MAGI2: variants seen among roughly 807,000 people sequenced by gnomAD.
The protein encoded by MAGI2 is membrane-associated guanylate kinase, WW and PDZ domain-containing protein 2.
In MAGI2, 35 loss-of-function variants were observed where a neutral mutation model predicts 133.3. That is an observed-to-expected ratio of 0.26 (90% CI 0.20 to 0.35). The LOEUF (loss-of-function observed/expected upper bound fraction) is 0.35, where lower values mean the gene tolerates loss of function less well. Ranked by LOEUF, MAGI2 falls within the 10% of genes least tolerant of loss-of-function variation. MAGI2 has a pLI of 1.00. For missense variants in MAGI2, 1,636 were observed against 1,863.4 expected (o/e 0.88, Z 2.25); for synonymous variants, 729 against 710.6 (o/e 1.03, Z -0.41).
intron 1 of MAGI2, among the ~76,000 whole-genome samples, chr7:79,028,251 ATATATATATATATATATGTATGTATG>A (rs1360181707): frequency 4.1e-5 from 1 of 24,476 alleles, no homozygotes; most frequent in Non-Finnish European, 1.0e-4. Context: ...ATATATATAT[ATATATATATATATATATGTATGTATG>A]TATATATATA....
At chr7:78,465,378 TACTAG>T (rs1790513674) in intron 6 of MAGI2, among the ~76,000 whole-genome samples, 1 of 152,172 alleles carries the variant, frequency 6.6e-6, no homozygotes, top group Non-Finnish European at 1.5e-5. Flanking sequence ...GCATGTTCCT[TACTAG>T]AGAGCATGAG....
intron 20 of MAGI2, among the ~76,000 whole-genome samples, chr7:78,108,506 G>A (rs1583936833): frequency 6.6e-6 from 1 of 152,174 alleles, no homozygotes; most frequent in African/African-American, 2.4e-5. Flanking sequence ...CTATAGTACA[G>A]ATTAAGTTCA....
chr7:78,102,193 G>A (rs902343311), intron 20 of MAGI2, among the ~76,000 whole-genome samples: 2 of 152,134 alleles, frequency 1.3e-5, no homozygotes, highest in African/African-American at 2.4e-5. Context: ...GGTTGTCAGG[G>A]GCTGGGGGTT....
chr7:78,466,169 T>C (rs1039960091), intron 6 of MAGI2, among the ~76,000 whole-genome samples: 2 of 152,144 alleles, frequency 1.3e-5, no homozygotes, highest in African/African-American at 4.8e-5. Context: ...TTCTTACCCT[T>C]AGGAACAACT....
At chr7:78,307,890 G>T (rs959780032) in intron 9 of MAGI2, among the ~76,000 whole-genome samples, 1 of 152,148 alleles carries the variant, frequency 6.6e-6, no homozygotes, top group Non-Finnish European at 1.5e-5. Flanking sequence ...GAAAAGAGGG[G>T]CCCTCATTAT....
intron 1 of MAGI2, chr7:79,412,420 C>T (rs1846206101): frequency 6.6e-6 from 1 of 152,084 alleles, no homozygotes; most frequent in Admixed American, 6.6e-5. Flanking sequence ...CATTACTGTC[C>T]TGATGCTGCA....
intron 3 of MAGI2, among the ~76,000 whole-genome samples, chr7:78,573,291 A>AATATATATATATTTATATAAAT (rs796996861): frequency 6.2e-4 from 33 of 53,354 alleles, no homozygotes; most frequent in Non-Finnish European, 7.6e-4. Flanking sequence ...TATTTATATA[A>AATATATATATATTTATATAAAT]ATATATATAT....
At position 79,431,694 on chromosome 7, in the gene MAGI2, C is replaced by T. The variant is rs1001900936; in HGVS notation, c.301+21326G>A. On this transcript the variant is annotated intron_variant, in intron 1 of 21. Coordinates refer to ENST00000354212, the MANE Select transcript of MAGI2 (RefSeq NM_012301.4). ...GGGAAGAAGGAGAAGAAATGAATTT[C>T]ATTTCTATCAGAAAATTTGAAGCTT... Among the ~76,000 whole-genome samples, 21 of 152,178 alleles carry T rather than the reference C, an allele frequency of 1.4e-4. 1 individual carries two copies. The highest frequency in any genetic ancestry group is 1.4e-3 in the Admixed American group (21 of 15,278).
At chr7:78,410,185 T>C (rs1349802624) in intron 6 of MAGI2, among the ~76,000 whole-genome samples, 1 of 152,066 alleles carries the variant, frequency 6.6e-6, no homozygotes, top group South Asian at 2.1e-4. Flanking sequence ...AAATGTGTGA[T>C]ACAGGCATAA....
At chr7:79,396,543 A>C (rs756132951) in intron 1 of MAGI2, among the ~76,000 whole-genome samples, 1 of 152,190 alleles carries the variant, frequency 6.6e-6, no homozygotes, top group Non-Finnish European at 1.5e-5. Flanking sequence ...CCCTACTGAG[A>C]AACAAGAGGC....
At chr7:79,157,505 C>T (rs1245139357) in intron 1 of MAGI2, among the ~76,000 whole-genome samples, 1 of 150,000 alleles carries the variant, frequency 6.7e-6, no homozygotes, top group Non-Finnish European at 1.5e-5. Flanking sequence ...GTAAGCAGCA[C>T]ACATTGATCC....
At chr7:79,109,875 G>C (rs923475574) in intron 1 of MAGI2, among the ~76,000 whole-genome samples, 1 of 150,998 alleles carries the variant, frequency 6.6e-6, no homozygotes, top group Non-Finnish European at 1.5e-5. Context: ...CTTGCACTCT[G>C]TGTGCCTACT....
At chr7:79,229,541 T>C (rs1331089821) in intron 1 of MAGI2, among the ~76,000 whole-genome samples, 1 of 152,164 alleles carries the variant, frequency 6.6e-6, no homozygotes, top group African/African-American at 2.4e-5. Flanking sequence ...CCTATAATAG[T>C]ATGCATCAAG....
chr7:78,843,233 C>T (rs897314956), intron 2 of MAGI2, among the ~76,000 whole-genome samples: 1 of 151,880 alleles, frequency 6.6e-6, no homozygotes, highest in African/African-American at 2.4e-5. Context: ...GGATGTGTTT[C>T]AGCAACTTGA....
chr7:79,424,868 C>T (rs979279797), intron 1 of MAGI2, among the ~76,000 whole-genome samples: 2 of 151,790 alleles, frequency 1.3e-5, no homozygotes, highest in African/African-American at 4.8e-5. Context: ...TATATTATAC[C>T]TGTATATTTA....
chr7:79,048,982 G>A (rs939168673), intron 1 of MAGI2, among the ~76,000 whole-genome samples: 3 of 152,124 alleles, frequency 2.0e-5, no homozygotes, highest in Non-Finnish European at 4.4e-5. Context: ...AACAAAAACA[G>A]TTTAACAAAG....
intron 6 of MAGI2, among the ~76,000 whole-genome samples, chr7:78,477,847 T>C (rs931135783): frequency 6.6e-6 from 1 of 152,012 alleles, no homozygotes; most frequent in East Asian, 1.9e-4. Flanking sequence ...TATGATGTCC[T>C]AGGGAAAACA....
chr7:78,673,467 A>T (rs996011397), intron 2 of MAGI2, among the ~76,000 whole-genome samples: 1 of 152,048 alleles, frequency 6.6e-6, no homozygotes, highest in Admixed American at 6.6e-5. Context: ...AACACCTGAG[A>T]ACCAGGAAAT....
intron 2 of MAGI2, among the ~76,000 whole-genome samples, chr7:78,872,302 CA>C (rs1157340636): frequency 6.6e-5 from 10 of 150,582 alleles, no homozygotes; most frequent in Non-Finnish European, 1.3e-4. Context: ...AAAAATACAG[CA>C]ATTTATCAAA....
Sources: gnomAD v4.1 joint callset for allele counts (sites outside exome capture counted in the v4.1 genomes callset) on GRCh38, gnomAD v4.1.1 for gene constraint, MANE v1.5 for transcripts, NCBI Gene and HGNC (gene_info 2026-07-23, HGNC 2026-07-21) for gene names.